Variants in OR9Q1 observed in about 807,000 individuals in gnomAD.
The protein encoded by OR9Q1 is olfactory receptor 9Q1.
For missense variants in OR9Q1, 374 were observed against 378.8 expected (o/e 0.99, Z 0.11); for synonymous variants, 153 against 148.6 (o/e 1.03, Z -0.22).
At chr11:58,034,735 TTTCCTTCCTTCC>T (rs71454309) in intron 1 of OR9Q1, among the ~76,000 whole-genome samples, 2 of 111,404 alleles carry the variant, frequency 1.8e-5, no homozygotes, top group African/African-American at 6.6e-5. Context: ...GGTTTCTTTC[TTTCCTTCCTTCC>T]TTCCTTCCTT....
chr11:58,089,358 G>A lies in OR9Q1; in HGVS notation c.-15+33411G>A, dbSNP rs113401093. Among the ~76,000 whole-genome samples, 575 of 151,776 alleles carry A rather than the reference G, an allele frequency of 3.8e-3. 15 individuals are homozygous for A. The highest frequency in any genetic ancestry group is 0.017 in the East Asian group (88 of 5,184). On this transcript the variant is annotated intron_variant, in intron 2 of 2. Transcript: ENST00000335397. Reference sequence around the variant, plus strand: ...GAAAGGGATCCAGTTTCAGTTTTTTGCATATGGCTAGCCAGTTTTCCCAGC... The same window carrying A: ...GAAAGGGATCCAGTTTCAGTTTTTTACATATGGCTAGCCAGTTTTCCCAGC...
chr11:58,045,585 G>A (rs542984838), intron 1 of OR9Q1, among the ~76,000 whole-genome samples: 2 of 152,280 alleles, frequency 1.3e-5, no homozygotes, highest in Admixed American at 6.5e-5. Context: ...GACAATGTAA[G>A]TGAAGTCCAT....
intron 2 of OR9Q1, among the ~76,000 whole-genome samples, chr11:58,065,998 C>A (rs574752387): frequency 6.6e-6 from 1 of 152,110 alleles, no homozygotes; most frequent in Non-Finnish European, 1.5e-5. Flanking sequence ...CGGAGAGGGG[C>A]GCTGTCCTGG....
chr11:58,178,851 A>G (rs1366734205), intron 2 of OR9Q1, among the ~76,000 whole-genome samples: 2 of 145,480 alleles, frequency 1.4e-5, no homozygotes, highest in African/African-American at 5.0e-5. Context: ...CTGAAGCCCT[A>G]CATCACACCT....
chr11:58,142,906 G>A (rs12805812), intron 2 of OR9Q1, among the ~76,000 whole-genome samples: 31,796 of 152,060 alleles, frequency 0.21, 3,903 homozygotes, highest in Middle Eastern at 0.38. Context: ...AGATCCTTTG[G>A]AATAAGAGGA....
At chr11:58,131,764 C>A (rs1488234322) in intron 2 of OR9Q1, among the ~76,000 whole-genome samples, 1 of 152,120 alleles carries the variant, frequency 6.6e-6, no homozygotes, top group Non-Finnish European at 1.5e-5. Context: ...GCCCCCAACA[C>A]TCACGAGCTG....
chr11:58,127,885 G>A (rs1018280440), intron 2 of OR9Q1, among the ~76,000 whole-genome samples: 1 of 152,170 alleles, frequency 6.6e-6, no homozygotes, highest in African/African-American at 2.4e-5. Context: ...GCAGCCTGAG[G>A]ATATTTGAAT....
At chr11:58,056,661 T>C (rs1853331286) in intron 2 of OR9Q1, among the ~76,000 whole-genome samples, 1 of 152,234 alleles carries the variant, frequency 6.6e-6, no homozygotes, top group Non-Finnish European at 1.5e-5. Flanking sequence ...AGAGGCTGCA[T>C]GGTTTGAAAA....
intron 1 of OR9Q1, among the ~76,000 whole-genome samples, chr11:58,028,066 G>A (rs1852993116): frequency 6.6e-6 from 1 of 151,850 alleles, no homozygotes; most frequent in Non-Finnish European, 1.5e-5. Flanking sequence ...AGGCCCTGGG[G>A]CAGATGGTGG....
At position 58,179,691 on chromosome 11, in the gene OR9Q1, G is replaced by A. The variant is rs111629598; in HGVS notation, c.247G>A (p.Ala83Thr). Residue 83 changes from alanine to threonine, a missense_variant, in exon 3 of 3, where the codon GCA becomes ACA. Transcript: ENST00000335397. ...ATCTATCACTGTCCCCCAGATGCTG[G>A]CAGTGCTGCTGGAGCATGGGGCAGC... ...YSSITVPQML[A>T]VLLEHGAALS... 0.03 allele frequency: 48,244 copies of A among 1,614,040 alleles called. 946 individuals carry two copies. Among genetic ancestry groups the A allele is most frequent in the Middle Eastern group, 0.083 (504 of 6,062 alleles).
intron 1 of OR9Q1, among the ~76,000 whole-genome samples, chr11:58,038,748 A>G (rs1387049658): frequency 6.6e-6 from 1 of 152,130 alleles, no homozygotes; most frequent in Non-Finnish European, 1.5e-5. Flanking sequence ...CTTCACTGAC[A>G]TTCTTCTGGT....
chr11:58,071,257 G>T (rs931056291), intron 2 of OR9Q1, among the ~76,000 whole-genome samples: 3 of 152,182 alleles, frequency 2.0e-5, no homozygotes, highest in Admixed American at 6.5e-5. Flanking sequence ...GGAGGCCAAG[G>T]CAGGCAGATC....
chr11:58,040,406 A>T (rs1447758525), intron 1 of OR9Q1, among the ~76,000 whole-genome samples: 1 of 152,214 alleles, frequency 6.6e-6, no homozygotes, highest in African/African-American at 2.4e-5. Flanking sequence ...GCAGGAGGAC[A>T]TGAACCAGGT....
At chr11:58,147,390 C>A (rs1454417791) in intron 2 of OR9Q1, among the ~76,000 whole-genome samples, 1 of 152,122 alleles carries the variant, frequency 6.6e-6, no homozygotes, top group African/African-American at 2.4e-5. Context: ...CTACCCTGTG[C>A]CAGACTGTGT....
intron 2 of OR9Q1, among the ~76,000 whole-genome samples, chr11:58,129,730 G>A (rs1019154276): frequency 1.3e-5 from 2 of 152,122 alleles, no homozygotes; most frequent in Admixed American, 6.5e-5. Context: ...ACCTCCAGAA[G>A]TTCCCTTTCT....
In OR9Q1 at chr11:58,180,669, A is replaced by T; in HGVS notation, c.*292A>T. The T allele has an allele frequency of 3.9e-6, 1 of 253,540 alleles. No individual in the cohort carries two copies. The allele number at this position is 253,540 out of a possible 1,614,324, so 15.7% of individuals were successfully genotyped here. A position where few individuals can be genotyped will look rare whatever the true frequency, so the allele number is the denominator to read the frequency against. On this transcript the variant is annotated 3_prime_UTR_variant, in exon 3 of 3. Coordinates refer to ENST00000335397, the MANE Select transcript of OR9Q1 (RefSeq NM_001005212.4). ...TCACCTGTCTGTGATTATAAGAGTA[A>T]TTTTTTTTGCAAAATTTTTAATGAA...
chr11:58,062,785 A>G (rs757097601), intron 2 of OR9Q1, among the ~76,000 whole-genome samples: 11 of 152,236 alleles, frequency 7.2e-5, no homozygotes, highest in Non-Finnish European at 1.2e-4. Flanking sequence ...ACAAAAAACT[A>G]GAAAAAGCAA....
intron 2 of OR9Q1, among the ~76,000 whole-genome samples, chr11:58,172,591 C>T (rs1000166329): frequency 6.6e-6 from 1 of 152,056 alleles, no homozygotes; most frequent in Non-Finnish European, 1.5e-5. Context: ...ACATATTTCC[C>T]AAGATCCCTG....
chr11:58,133,177 T>G (rs767819555), intron 2 of OR9Q1, among the ~76,000 whole-genome samples: 9 of 152,244 alleles, frequency 5.9e-5, no homozygotes, highest in Admixed American at 2.0e-4. Flanking sequence ...CTTGATAATC[T>G]GAACTTCAGT....
Sources: gnomAD v4.1 joint callset for allele counts (sites outside exome capture counted in the v4.1 genomes callset) on GRCh38, gnomAD v4.1.1 for gene constraint, MANE v1.5 for transcripts, NCBI Gene and HGNC (gene_info 2026-07-23, HGNC 2026-07-21) for gene names.